SLC35B1: variants seen among roughly 807,000 people sequenced by gnomAD.
The protein encoded by SLC35B1 is solute carrier family 35 member B1.
Under a neutral mutation model 36.6 loss-of-function variants are expected in SLC35B1, and 27 were observed. That is an observed-to-expected ratio of 0.74 (90% CI 0.54 to 1.02). SLC35B1 has a LOEUF of 1.02. SLC35B1 is among the 50% of genes least tolerant of loss of function. SLC35B1 has a pLI of 0.00. For synonymous variants in SLC35B1, 162 were observed against 152.5 expected, an observed-to-expected ratio of 1.06 and a Z score of -0.46; for missense variants, 321 against 383.2, an observed-to-expected ratio of 0.84 and a Z score of 1.35.
At chr17:49,704,358 A>T in intron 5 of SLC35B1, 132 bp from the exon 6 acceptor site, 1 of 1,162,320 alleles carries the variant, frequency 8.6e-7, no homozygotes, top group Non-Finnish European at 1.2e-6. Context: ...AAACGTTGCC[A>T]TTTGGTCACA....
intron 5 of SLC35B1, among the ~76,000 whole-genome samples, 198 bp from the exon 6 acceptor site, chr17:49,704,424 A>G (rs1211237354): frequency 4.3e-5 from 2 of 46,386 alleles, no homozygotes; most frequent in Non-Finnish European, 8.6e-5. Context: ...CCCCCGGCCC[A>G]CGCACTGGAC....
At chr17:49,707,670 GC>G in intron 1 of SLC35B1, 59 bp downstream of exon 1, 1 of 1,564,058 alleles carries the variant, frequency 6.4e-7, no homozygotes, top group Non-Finnish European at 8.7e-7. Flanking sequence ...GAGGCAGAAG[GC>G]CCGGGATCCC....
chr17:49,707,001 T>A lies in SLC35B1; in HGVS notation c.172A>T (p.Ile58Phe), dbSNP rs772425198. ...TFTFALTLVF[I>F]QCVINAVFAK... ...AACACAGCATTGATCACACATTGAA[T>A]GAAGACCAAAGTTAAGGCAAAGGTG... The change falls in exon 2 of 9, where the codon ATT becomes TTT. Residue 58 changes from isoleucine to phenylalanine, a missense_variant. Ile to Phe is a conservative substitution (Grantham distance 21). Transcript: ENST00000240333. 1 of 1,613,964 alleles carries A rather than the reference T, an allele frequency of 6.2e-7. No individual in the cohort carries two copies. Among genetic ancestry groups the A allele is most frequent in the Non-Finnish European group, 8.5e-7 (1 of 1,180,000 alleles).
intron 8 of SLC35B1, chr17:49,702,560 C>A (rs2073364408): frequency 4.0e-6 from 1 of 248,754 alleles, no homozygotes; most frequent in Admixed American, 4.8e-5. Context: ...CGGAGAAACC[C>A]CATCTCTACT....
chr17:49,705,956 G>C, intron 3 of SLC35B1, 60 bp from the exon 4 acceptor site: 1 of 1,520,626 alleles, frequency 6.6e-7, no homozygotes, highest in Non-Finnish European at 9.1e-7. Context: ...TACTATGCTA[G>C]GTACCGCACT....
intron 1 of SLC35B1, 52 bp from the exon 2 acceptor site, chr17:49,707,120 C>T (rs773768264): frequency 6.1e-6 from 9 of 1,477,082 alleles, no homozygotes; most frequent in Non-Finnish European, 8.5e-6. Context: ...ATTTCACTCA[C>T]TGTCATCTAA....
chr17:49,707,577 T>C, intron 1 of SLC35B1, 153 bp downstream of exon 1: 1 of 1,466,556 alleles, frequency 6.8e-7, no homozygotes, highest in Non-Finnish European at 9.1e-7. Context: ...GAATTCTGGG[T>C]AGGCTCAGCC....
chr17:49,701,413 GATA>G lies in SLC35B1; in HGVS notation c.*42_*44del, dbSNP rs774216684. The G allele has an allele frequency of 2.1e-6, 3 of 1,456,726 alleles. No homozygotes were observed. Among genetic ancestry groups the G allele is most frequent in the Non-Finnish European group, 9.6e-7 (1 of 1,037,154 alleles). The allele number at this position is 1,456,726 out of a possible 1,614,324, so 90.2% of individuals were successfully genotyped here. A position where few individuals can be genotyped will look rare whatever the true frequency, so the allele number is the denominator to read the frequency against. On this transcript the variant is annotated 3_prime_UTR_variant, in exon 9 of 9. Coordinates refer to ENST00000240333, the MANE Select transcript of SLC35B1 (RefSeq NM_005827.4). ...TTTCCCAAGAGATGTCACTGTTTGA[GATA>G]ATAACTTAAATATTCTTGATGTGGA...
chr17:49,701,733 G>A (rs1027717805), intron 8 of SLC35B1: 2 of 481,068 alleles, frequency 4.2e-6, no homozygotes, highest in Non-Finnish European at 7.5e-6. Context: ...TCTATATAGA[G>A]ATACAGATAG....
chr17:49,705,363 A>G, intron 4 of SLC35B1, 82 bp from the exon 5 acceptor site: 3 of 1,370,808 alleles, frequency 2.2e-6, no homozygotes, highest in Non-Finnish European at 3.0e-6. Context: ...AGGAACCAAG[A>G]AAAGACTCAG....
At chr17:49,707,146 T>C (rs2073429429) in intron 1 of SLC35B1, 78 bp from the exon 2 acceptor site, 8 of 1,432,360 alleles carry the variant, frequency 5.6e-6, no homozygotes, top group Non-Finnish European at 7.8e-6. Context: ...CCCGAGCCAC[T>C]GAAAACTTTA....
chr17:49,703,894 C>G (rs1316292696), intron 6 of SLC35B1: 16 of 555,108 alleles, frequency 2.9e-5, no homozygotes, highest in Non-Finnish European at 3.9e-5. Context: ...ACACACGACT[C>G]TCCTTCATTG....
rs1446162770 is a variant in SLC35B1, at chr17:49,704,175, G to A, written c.580C>T (p.Arg194Trp). Residue 194 changes from arginine (R) to tryptophan (W), a missense_variant, in exon 6 of 9, where the codon CGG (arginine) becomes TGG (tryptophan). Physicochemically the swap from Arg to Trp is moderately radical, Grantham distance 101. Coordinates refer to ENST00000240333, the MANE Select transcript of SLC35B1 (RefSeq NM_005827.4). ...TTGGAGCCTGTTTGGTAATGAGCCC[G>A]CATGTGGTCCTGGGAAACACCAGTC... ...GLTGVSQDHMRAHYQTGSNHM... is the reference protein window; with the variant it reads ...GLTGVSQDHMWAHYQTGSNHM... 6 of 1,614,086 alleles carry A rather than the reference G, an allele frequency of 3.7e-6. No individual in the cohort carries two copies. Among genetic ancestry groups the A allele is most frequent in the African/African-American group, 1.3e-5 (1 of 75,030 alleles).
intron 3 of SLC35B1, 82 bp downstream of exon 3, chr17:49,706,122 T>TTTTA: frequency 8.1e-6 from 10 of 1,239,672 alleles, no homozygotes; most frequent in African/African-American, 1.7e-5. Flanking sequence ...TTTTTTTTTT[T>TTTTA]AACTCACAGA....
At position 49,707,026 on chromosome 17, in the gene SLC35B1, G is replaced by T; in HGVS notation, c.147C>A (p.Phe49Leu). 1 of 1,614,022 alleles carries T rather than the reference G, an allele frequency of 6.2e-7. No homozygotes were observed. Among genetic ancestry groups the T allele is most frequent in the African/African-American group, 1.3e-5 (1 of 75,024 alleles). The change falls in exon 2 of 9, where the codon TTC (phenylalanine) becomes TTA (leucine). Residue 49 changes from phenylalanine (F) to leucine (L), a missense_variant. Coordinates refer to ENST00000240333, the MANE Select transcript of SLC35B1 (RefSeq NM_005827.4). ...KYGEGAKQET[F>L]TFALTLVFIQ... is the part of the protein sequence containing the mutation. ...TGAAGACCAAAGTTAAGGCAAAGGT[G>T]AACGTCTCCTGCTTGGCTCCTTCCC...
At chr17:49,706,503 A>T in intron 2 of SLC35B1, 169 bp from the exon 3 acceptor site, 1 of 663,166 alleles carries the variant, frequency 1.5e-6, no homozygotes, top group Non-Finnish European at 2.3e-6. Flanking sequence ...TACACTGGGA[A>T]ATCTCTGAAA....
chr17:49,707,976 C>A (rs949117840), upstream of SLC35B1: 135 of 1,524,478 alleles, frequency 8.9e-5, no homozygotes, highest in Non-Finnish European at 1.2e-4. Flanking sequence ...TCCAGCAGGG[C>A]CCAGCAGTCA....
In SLC35B1 at chr17:49,704,242, T is replaced by C. The variant is rs1265824095; in HGVS notation, c.529-16A>G. The C allele has an allele frequency of 1.2e-6, 2 of 1,611,614 alleles. No homozygotes were observed. The highest frequency in any genetic ancestry group is 2.7e-5 in the African/African-American group (2 of 74,840). ...GCGATAATAGCTGGGAAAGAAAGGG[T>C]GCAGCCTGCAGTGAAGTGGCCAACA... On this transcript the variant is annotated splice_polypyrimidine_tract_variant and intron_variant, in intron 5 of 8. Coordinates refer to ENST00000240333, the MANE Select transcript of SLC35B1 (RefSeq NM_005827.4).
chr17:49,705,961 C>T (rs371929282), intron 3 of SLC35B1, 65 bp from the exon 4 acceptor site: 34 of 1,531,730 alleles, frequency 2.2e-5, no homozygotes, highest in South Asian at 1.0e-4. Context: ...TGCTAGGTAC[C>T]GCACTGATTA....
Sources: allele counts gnomAD v4.1 joint callset (sites outside exome capture counted in the v4.1 genomes callset), GRCh38; gene constraint gnomAD v4.1.1; transcripts MANE v1.5; gene names NCBI Gene and HGNC (gene_info 2026-07-23, HGNC 2026-07-21).